Variants in HTR2A observed in about 807,000 individuals in gnomAD.
The protein encoded by HTR2A is 5-HT2 receptor.
In HTR2A, 14 loss-of-function variants were observed where a neutral mutation model predicts 31.0. The ratio of observed to expected loss-of-function variants is 0.45; its 90% confidence interval spans 0.30 to 0.71. The LOEUF is 0.71. HTR2A is among the 30% of genes least tolerant of loss of function. HTR2A has a pLI of 0.09. For synonymous variants in HTR2A, 209 were observed against 225.2 expected, an observed-to-expected ratio of 0.93 and a Z score of 0.64; for missense variants, 442 against 573.3, an observed-to-expected ratio of 0.77 and a Z score of 2.34.
chr13:46,896,109 AC>A lies in HTR2A; in HGVS notation c.-204del. 7.6e-7 allele frequency: 1 copy of A among 1,319,874 alleles called. No individual in the cohort carries two copies. The highest frequency in any genetic ancestry group is 9.6e-7 in the Non-Finnish European group (1 of 1,041,156). The allele number at this position is 1,319,874 out of a possible 1,614,324, so 81.8% of individuals were successfully genotyped here. ...TGGTGGCTGTAAGTTTTCTTCATTC[AC>A]AATTTTAGGAGAGTCCACTGTTTGG... On this transcript the variant is annotated 5_prime_UTR_variant, in exon 2 of 4. Transcript: ENST00000542664.
chr13:46,844,356 TC>T (rs1950623308), intron 3 of HTR2A, among the ~76,000 whole-genome samples: 1 of 152,206 alleles, frequency 6.6e-6, no homozygotes, highest in African/African-American at 2.4e-5. Context: ...TCGTAATGCT[TC>T]CCTTCATTTT....
chr13:46,878,542 C>T (rs768901928), intron 3 of HTR2A, among the ~76,000 whole-genome samples: 43 of 151,534 alleles, frequency 2.8e-4, no homozygotes, highest in African/African-American at 9.0e-4. Context: ...GCTGAACCCA[C>T]GAAAAGAAAA....
At chr13:46,881,713 G>A (rs1347450297) in intron 3 of HTR2A, among the ~76,000 whole-genome samples, 1 of 152,154 alleles carries the variant, frequency 6.6e-6, no homozygotes, top group South Asian at 2.1e-4. Flanking sequence ...TTCTTAGGCT[G>A]ACTAATAGCC....
chr13:46,835,663 C>G, intron 3 of HTR2A, 24 bp from the exon 4 acceptor site: 3 of 1,551,470 alleles, frequency 1.9e-6, no homozygotes, highest in Non-Finnish European at 2.6e-6. Flanking sequence ...GAAAATGAAA[C>G]ATGATTATTA....
chr13:46,884,047 C>T (rs1950987105), intron 3 of HTR2A, among the ~76,000 whole-genome samples: 1 of 152,198 alleles, frequency 6.6e-6, no homozygotes, highest in South Asian at 2.1e-4. Flanking sequence ...GTGTCAGATC[C>T]TTGCTAACTT....
intron 3 of HTR2A, among the ~76,000 whole-genome samples, chr13:46,863,657 A>AAAAAAAAAAAAAAAAAAAAAG (rs1566309853): frequency 1.7e-5 from 2 of 118,252 alleles, no homozygotes; most frequent in East Asian, 2.5e-4. Context: ...AAAGAAAAAA[A>AAAAAAAAAAAAAAAAAAAAAG]AAAAAGACAG....
chr13:46,869,579 T>G (rs1457666584), intron 3 of HTR2A, among the ~76,000 whole-genome samples: 1 of 152,086 alleles, frequency 6.6e-6, no homozygotes, highest in Non-Finnish European at 1.5e-5. Flanking sequence ...CCTAGGTATA[T>G]TCCCCAAAGA....
chr13:46,835,651 CA>C lies in HTR2A; in HGVS notation c.614-13del, dbSNP rs1162010032. 10 of 1,581,822 alleles carry C rather than the reference CA, an allele frequency of 6.3e-6. No individual in the cohort carries two copies. Among genetic ancestry groups the C allele is most frequent in the Non-Finnish European group, 8.6e-6 (10 of 1,160,422 alleles). ...TGGCATGGATATACCTGGAGTTGAA[CA>C]GAAAATGAAACATGATTATTAAGGA... On this transcript the variant is annotated splice_polypyrimidine_tract_variant and intron_variant, in intron 3 of 3. Coordinates refer to ENST00000542664, the MANE Select transcript of HTR2A (RefSeq NM_000621.5).
At chr13:46,864,775 TG>T in intron 3 of HTR2A, among the ~76,000 whole-genome samples, 1 of 55,590 alleles carries the variant, frequency 1.8e-5, no homozygotes, top group Non-Finnish European at 4.2e-5. Context: ...ACTAGCTAGT[TG>T]TTTATCTAGA....
At chr13:46,888,328 A>G (rs539194116) in intron 3 of HTR2A, among the ~76,000 whole-genome samples, 1 of 152,218 alleles carries the variant, frequency 6.6e-6, no homozygotes, top group Non-Finnish European at 1.5e-5. Context: ...TAAAGTTGCT[A>G]AAATAGAGAC....
At position 46,896,966 on chromosome 13, in the gene HTR2A, A is replaced by G. The variant is rs986435382; in HGVS notation, c.-621T>C. On this transcript the variant is annotated 5_prime_UTR_variant, in exon 1 of 4. Transcript: ENST00000542664. ...TTAGAAATCATTCACGAGCCCCTCA[A>G]AGTCGCACAAAAGAACTGCATGGGA... The G allele has an allele frequency of 1.2e-5, 9 of 722,380 alleles. No homozygotes were observed. The highest frequency in any genetic ancestry group is 1.8e-5 in the Non-Finnish European group (8 of 439,310). 44.7% of individuals were successfully genotyped at this position (722,380 alleles called of 1,614,324 possible).
At chr13:46,852,709 C>A (rs1244288032) in intron 3 of HTR2A, among the ~76,000 whole-genome samples, 1 of 152,146 alleles carries the variant, frequency 6.6e-6, no homozygotes, top group African/African-American at 2.4e-5. Flanking sequence ...GAGACAGAAG[C>A]CCTGATTTCT....
intron 3 of HTR2A, among the ~76,000 whole-genome samples, chr13:46,845,239 A>G (rs1950631986): frequency 6.6e-6 from 1 of 152,200 alleles, no homozygotes; most frequent in Admixed American, 6.5e-5. Flanking sequence ...GTGATGTCAC[A>G]GTGCGAGGCT....
intron 3 of HTR2A, among the ~76,000 whole-genome samples, chr13:46,881,525 T>C (rs990028460): frequency 7.9e-5 from 12 of 152,038 alleles, no homozygotes; most frequent in African/African-American, 2.9e-4. Context: ...TTTCACTTCT[T>C]CCCCCTAGGA....
intron 2 of HTR2A, among the ~76,000 whole-genome samples, chr13:46,894,001 G>A (rs2138257685): frequency 6.6e-6 from 1 of 152,350 alleles, no homozygotes; most frequent in East Asian, 1.9e-4. Flanking sequence ...CCTTTGCAGC[G>A]CCTTATGGGG....
chr13:46,863,657 A>AAAAAAAAG (rs1566309853), intron 3 of HTR2A, among the ~76,000 whole-genome samples: 3 of 118,256 alleles, frequency 2.5e-5, no homozygotes, highest in African/African-American at 3.0e-5. Flanking sequence ...AAAGAAAAAA[A>AAAAAAAAG]AAAAAGACAG....
chr13:46,860,070 T>C (rs919296783), intron 3 of HTR2A, among the ~76,000 whole-genome samples: 3 of 152,192 alleles, frequency 2.0e-5, no homozygotes, highest in Admixed American at 2.0e-4. Flanking sequence ...CAGCCCTTAC[T>C]CATTCTTCTA....
Position 46,895,365 on chromosome 13 carries a change from G to C in HTR2A, c.412+130C>G. The C allele has an allele frequency of 1.3e-6, 1 of 747,822 alleles. No individual in the cohort carries two copies. The highest frequency in any genetic ancestry group is 2.7e-5 in the East Asian group (1 of 36,986). The allele number at this position is 747,822 out of a possible 1,614,324, so 46.3% of individuals were successfully genotyped here. Reference sequence around the variant, plus strand: ...AGAGTAAAATATAAGTAACATAGTAGGCTCTAGTCTATAAACAAAGACTTC... The same window carrying C: ...AGAGTAAAATATAAGTAACATAGTACGCTCTAGTCTATAAACAAAGACTTC... On this transcript the variant is annotated intron_variant, in intron 2 of 3. Coordinates refer to ENST00000542664, the MANE Select transcript of HTR2A (RefSeq NM_000621.5). This position sits in a 1 kb window ranked among gnomAD's most constrained non-coding sequence, Gnocchi z 4.4.
intron 3 of HTR2A, among the ~76,000 whole-genome samples, chr13:46,889,183 A>T (rs1951031506): frequency 6.6e-6 from 1 of 152,184 alleles, no homozygotes; most frequent in Admixed American, 6.5e-5. Context: ...TGATAATCAA[A>T]AGAAAATTAA....
Sources: allele counts gnomAD v4.1 joint callset (sites outside exome capture counted in the v4.1 genomes callset), GRCh38; gene constraint gnomAD v4.1.1; non-coding constraint Gnocchi (gnomAD v3.1); transcripts MANE v1.5; gene names NCBI Gene and HGNC (gene_info 2026-07-23, HGNC 2026-07-21).